The following KCNN2 variants were observed in gnomAD, a reference collection of about 807,000 sequenced individuals.
The protein encoded by KCNN2 is small conductance calcium-activated potassium channel protein 2.
KCNN2 carries 24 observed loss-of-function variants against 55.5 expected under a neutral mutation model. That is an observed-to-expected ratio of 0.43 (90% CI 0.31 to 0.61). The LOEUF (loss-of-function observed/expected upper bound fraction) is 0.61. KCNN2 is among the 20% of genes least tolerant of loss of function. The pLI is 0.08. For synonymous variants in KCNN2, 431 were observed against 336.1 expected (o/e 1.28, Z -3.09); for missense variants, 754 against 853.6 (o/e 0.88, Z 1.45).
At chr5:114,368,584 G>C (rs569317016) in intron 2 of KCNN2, among the ~76,000 whole-genome samples, 19 of 152,294 alleles carry the variant, frequency 1.2e-4, no homozygotes, top group Admixed American at 1.0e-3. Flanking sequence ...TACTTCTACA[G>C]AGAGCAAACA....
intron 5 of KCNN2, among the ~76,000 whole-genome samples, chr5:114,480,749 G>A (rs1255399280): frequency 2.6e-5 from 4 of 152,048 alleles, no homozygotes; most frequent in Non-Finnish European, 4.4e-5. Context: ...CACAATAACA[G>A]AACTAAGGAC....
In KCNN2 at chr5:114,088,073, T is replaced by G. The variant is rs142620254; in HGVS notation, c.-271+31573T>G. Among the ~76,000 whole-genome samples, 343 of 152,264 alleles carry G rather than the reference T, an allele frequency of 2.3e-3. 2 individuals carry two copies. The highest frequency in any genetic ancestry group is 7.6e-3 in the African/African-American group (314 of 41,584). On this transcript the variant is annotated intron_variant, in intron 1 of 10. Transcript: ENST00000512097. ...GTGCGAATCTGCTGGCAGTGGGTTCTCTCAGCTTTTATTTTTTTCAGGAAA... is the reference window on the plus strand; with the variant it reads ...GTGCGAATCTGCTGGCAGTGGGTTCGCTCAGCTTTTATTTTTTTCAGGAAA...
At chr5:114,120,782 T>C (rs951328831) in intron 1 of KCNN2, among the ~76,000 whole-genome samples, 6 of 152,210 alleles carry the variant, frequency 3.9e-5, no homozygotes, top group Non-Finnish European at 5.9e-5. Flanking sequence ...TTTATTCAGA[T>C]TGTGGAACAC....
At chr5:114,291,796 G>C (rs1208559327) in intron 2 of KCNN2, among the ~76,000 whole-genome samples, 2 of 152,232 alleles carry the variant, frequency 1.3e-5, no homozygotes, top group Non-Finnish European at 2.9e-5. Flanking sequence ...AACTAGTTTA[G>C]TGTCCCACCA....
At chr5:114,383,423 A>T (rs1758185697) in intron 2 of KCNN2, among the ~76,000 whole-genome samples, 1 of 151,400 alleles carries the variant, frequency 6.6e-6, no homozygotes, top group Non-Finnish European at 1.5e-5. Flanking sequence ...AAGGTGAGGC[A>T]AAGGGAAGAT....
At chr5:114,126,886 G>C (rs942853912) in intron 1 of KCNN2, among the ~76,000 whole-genome samples, 2 of 152,074 alleles carry the variant, frequency 1.3e-5, no homozygotes, top group African/African-American at 4.8e-5. Context: ...GGGAGAAATT[G>C]GCCAAAACAA....
At chr5:114,307,244 C>G (rs1473479460) in intron 2 of KCNN2, among the ~76,000 whole-genome samples, 1 of 152,182 alleles carries the variant, frequency 6.6e-6, no homozygotes, top group Non-Finnish European at 1.5e-5. Context: ...AGTCTGTGAA[C>G]TAACTTAGAT....
intron 1 of KCNN2, among the ~76,000 whole-genome samples, chr5:114,215,886 G>C (rs1450356448): frequency 6.6e-6 from 1 of 152,034 alleles, no homozygotes; most frequent in Admixed American, 6.6e-5. Context: ...CCTAGAATAA[G>C]ACTAAGAGAT....
intron 1 of KCNN2, among the ~76,000 whole-genome samples, chr5:114,188,923 TTTTTGGCAA>T (rs1753392069): frequency 6.6e-6 from 1 of 152,064 alleles, no homozygotes; most frequent in Non-Finnish European, 1.5e-5. Context: ...CCCTTGGGAG[TTTTTGGCAA>T]TTTGAAAAGT....
Position 114,352,612 on chromosome 5 carries a change from T to G in KCNN2, c.-184-8333T>G, listed in dbSNP as rs368167728. ...GCTTTAGGTGCATCCTGTAGGTTTT[T>G]GCATGTTGTGATTTTGTTTTCATTT... On this transcript the variant is annotated intron_variant, in intron 2 of 10. Transcript: ENST00000512097. Among the ~76,000 whole-genome samples the G allele has an allele frequency of 2.0e-5, 3 of 151,892 alleles. No individual in the cohort carries two copies. In the East Asian group the frequency reaches 5.8e-4, roughly 29 times the overall value.
At chr5:114,282,482 A>G (rs915346681) in intron 2 of KCNN2, among the ~76,000 whole-genome samples, 7 of 152,130 alleles carry the variant, frequency 4.6e-5, no homozygotes, top group Admixed American at 4.6e-4. Flanking sequence ...TTAGTAATAC[A>G]ATCATATTTA....
intron 1 of KCNN2, among the ~76,000 whole-genome samples, chr5:114,179,582 C>A (rs542462156): frequency 6.6e-6 from 1 of 152,246 alleles, no homozygotes; most frequent in African/African-American, 2.4e-5. Flanking sequence ...CTTTTCTTAT[C>A]TTGGGAAACT....
chr5:114,349,288 C>A (rs1178136599), intron 2 of KCNN2, among the ~76,000 whole-genome samples: 1 of 151,962 alleles, frequency 6.6e-6, no homozygotes, highest in Admixed American at 6.6e-5. Context: ...GGTTGAGAAT[C>A]CCTAATCTGA....
chr5:114,371,991 G>A (rs1043828439), intron 2 of KCNN2, among the ~76,000 whole-genome samples: 21 of 152,152 alleles, frequency 1.4e-4, no homozygotes, highest in African/African-American at 3.4e-4. Flanking sequence ...TCAGCTTTAC[G>A]TTTACTAACC....
chr5:114,191,521 C>T (rs748439425), intron 1 of KCNN2, among the ~76,000 whole-genome samples: 71 of 152,178 alleles, frequency 4.7e-4, no homozygotes, highest in Non-Finnish European at 8.8e-4. Flanking sequence ...AGAAGTGGTT[C>T]GTTTAAGTAA....
At chr5:114,089,406 A>C (rs1751089063) in intron 1 of KCNN2, among the ~76,000 whole-genome samples, 1 of 152,126 alleles carries the variant, frequency 6.6e-6, no homozygotes, top group Non-Finnish European at 1.5e-5. Flanking sequence ...GCTCACCAGC[A>C]CTGGAATGTC....
At chr5:114,316,687 C>G (rs1219277408) in intron 2 of KCNN2, among the ~76,000 whole-genome samples, 1 of 152,098 alleles carries the variant, frequency 6.6e-6, no homozygotes, top group African/African-American at 2.4e-5. Flanking sequence ...AAAATGTAAC[C>G]CAATCAGTCA....
chr5:114,087,326 A>G (rs1182322843), intron 1 of KCNN2, among the ~76,000 whole-genome samples: 1 of 151,876 alleles, frequency 6.6e-6, no homozygotes, highest in Non-Finnish European at 1.5e-5. Context: ...GTTGCTTTTG[A>G]TGACTTAATT....
intron 2 of KCNN2, among the ~76,000 whole-genome samples, chr5:114,386,781 A>T (rs1285301273): frequency 6.6e-6 from 1 of 152,222 alleles, no homozygotes; most frequent in Non-Finnish European, 1.5e-5. Context: ...ATGTCAGCGA[A>T]TACATTCTGT....
Sources: gnomAD v4.1 joint callset for allele counts (sites outside exome capture counted in the v4.1 genomes callset) on GRCh38, gnomAD v4.1.1 for gene constraint, MANE v1.5 for transcripts, NCBI Gene and HGNC (gene_info 2026-07-23, HGNC 2026-07-21) for gene names.